Variants in COLEC11 observed in about 807,000 individuals in gnomAD.
COLEC11 encodes collectin-11.
COLEC11 carries 20 observed loss-of-function variants against 27.3 expected under a neutral mutation model. That is an observed-to-expected ratio of 0.73 (90% CI 0.51 to 1.06). The LOEUF is 1.06. Ranked by LOEUF, COLEC11 falls within the 50% of genes least tolerant of loss-of-function variation. The pLI is 0.00. For synonymous variants in COLEC11, 163 were observed against 154.7 expected (o/e 1.05, Z -0.40); for missense variants, 310 against 383.0 (o/e 0.81, Z 1.59).
intron 4 of COLEC11, among the ~76,000 whole-genome samples, chr2:3,637,840 C>T (rs980917656): frequency 5.3e-5 from 8 of 152,174 alleles, no homozygotes; most frequent in Admixed American, 4.6e-4. Flanking sequence ...ATTTTCACAG[C>T]GCCCCAGGAT....
intron 3 of COLEC11, among the ~76,000 whole-genome samples, chr2:3,619,096 T>C (rs911577811): frequency 2.6e-5 from 4 of 152,192 alleles, no homozygotes; most frequent in African/African-American, 9.7e-5. Context: ...TATAAGATTA[T>C]GCCATCTGCA....
intron 3 of COLEC11, chr2:3,625,953 C>T: frequency 2.0e-6 from 3 of 1,474,236 alleles, no homozygotes; most frequent in Non-Finnish European, 2.8e-6. Context: ...AGTTATTTAA[C>T]ATCTCTATTA....
At chr2:3,608,477 G>A (rs2147868605) in intron 2 of COLEC11, among the ~76,000 whole-genome samples, 1 of 152,296 alleles carries the variant, frequency 6.6e-6, no homozygotes, top group Non-Finnish European at 1.5e-5. Flanking sequence ...ATTACCTGCA[G>A]GGACATACAT....
chr2:3,607,163 C>T (rs1662783583), intron 2 of COLEC11, among the ~76,000 whole-genome samples: 2 of 152,116 alleles, frequency 1.3e-5, no homozygotes. Flanking sequence ...GCACACGAGT[C>T]AGGCTGCCGC....
At position 3,640,424 on chromosome 2, in the gene COLEC11, G is replaced by T. The variant is rs1033437124; in HGVS notation, c.328+93G>T. The T allele has an allele frequency of 2.2e-5, 16 of 737,140 alleles. No individual in the cohort carries two copies. The African/African-American group carries it at 2.3e-4, about 11-fold the overall frequency. 45.7% of individuals were successfully genotyped at this position (737,140 alleles called of 1,614,324 possible). The stretch of plus-strand genomic sequence containing the variant: ...AGATCTACACCATGTAGATCCCACA[G>T]TGGACACCCACCCCTGTCACATCCC... On this transcript the variant is annotated intron_variant, in intron 5 of 6. Coordinates refer to ENST00000349077, the MANE Select transcript of COLEC11 (RefSeq NM_024027.5).
At chr2:3,611,375 C>T (rs1483649999) in intron 2 of COLEC11, among the ~76,000 whole-genome samples, 2 of 152,216 alleles carry the variant, frequency 1.3e-5, no homozygotes, top group Non-Finnish European at 1.5e-5. Context: ...CTGTTGTTCC[C>T]GGACTGGCCT....
chr2:3,620,679 ATTG>A (rs1664123143), intron 3 of COLEC11, among the ~76,000 whole-genome samples: 1 of 151,842 alleles, frequency 6.6e-6, no homozygotes, highest in Admixed American at 6.6e-5. Flanking sequence ...GTAGGTATTT[ATTG>A]TTATAAAATT....
intron 1 of COLEC11, among the ~76,000 whole-genome samples, chr2:3,598,861 G>A (rs1662038477): frequency 6.6e-6 from 1 of 152,228 alleles, no homozygotes; most frequent in South Asian, 2.1e-4. Context: ...TCTTTAGAGT[G>A]AGGAACTGTA....
intron 3 of COLEC11, among the ~76,000 whole-genome samples, chr2:3,630,828 G>A (rs951000178): frequency 1.8e-4 from 27 of 152,124 alleles, no homozygotes; most frequent in African/African-American, 5.1e-4. Context: ...GCCTGTTGCC[G>A]TGACCTTCAC....
intron 1 of COLEC11, among the ~76,000 whole-genome samples, chr2:3,596,984 A>G (rs1011729701): frequency 3.9e-5 from 6 of 152,198 alleles, no homozygotes; most frequent in African/African-American, 9.6e-5. Flanking sequence ...CTTTGTGCCC[A>G]TAGGCCTAGC....
intron 3 of COLEC11, among the ~76,000 whole-genome samples, chr2:3,622,305 G>C (rs1240553277): frequency 1.3e-5 from 2 of 152,196 alleles, no homozygotes; most frequent in Admixed American, 6.5e-5. Context: ...TCCAGCCTGG[G>C]TGAGAGAGTG....
At chr2:3,596,877 G>A (rs1325296973) in intron 1 of COLEC11, among the ~76,000 whole-genome samples, 1 of 152,236 alleles carries the variant, frequency 6.6e-6, no homozygotes, top group Non-Finnish European at 1.5e-5. Flanking sequence ...CTGGGAAGCA[G>A]AGACTCCTTC....
intron 3 of COLEC11, chr2:3,626,076 A>G: frequency 4.3e-6 from 7 of 1,613,986 alleles, no homozygotes; most frequent in Non-Finnish European, 5.9e-6. Flanking sequence ...CGTCCTTTGT[A>G]GAAATGGGAT....
At chr2:3,615,108 CT>C (rs35128729) in intron 3 of COLEC11, among the ~76,000 whole-genome samples, 108 of 146,532 alleles carry the variant, frequency 7.4e-4, no homozygotes, top group African/African-American at 2.5e-3. Flanking sequence ...TATTTTCTTT[CT>C]TTTTTTTTTA....
At chr2:3,621,244 T>G (rs1203386808) in intron 3 of COLEC11, among the ~76,000 whole-genome samples, 1 of 152,244 alleles carries the variant, frequency 6.6e-6, no homozygotes, top group Admixed American at 6.5e-5. Flanking sequence ...TATGTTTTCT[T>G]GATGAATTGA....
In COLEC11 at chr2:3,622,168, CAA is replaced by C. The variant is rs1211301931; in HGVS notation, c.202+8802_202+8803del. Among the ~76,000 whole-genome samples the C allele has an allele frequency of 0.011, 917 of 85,428 alleles. 3 individuals are homozygous for C. In the Middle Eastern group the frequency reaches 0.12, roughly 11 times the overall value. The allele number at this position is 85,428 out of a possible 152,430, so 56.0% of individuals were successfully genotyped here. A position where few individuals can be genotyped will look rare whatever the true frequency, so the allele number is the denominator to read the frequency against. On this transcript the variant is annotated intron_variant, in intron 3 of 6. Transcript: ENST00000349077. ...TGGGCGACAGAATGAGACTCCATCT[CAA>C]AAAAAAAAAAAAAAAGTAAAATATA...
intron 2 of COLEC11, among the ~76,000 whole-genome samples, chr2:3,606,648 A>C (rs1662724303): frequency 3.9e-5 from 6 of 152,216 alleles, no homozygotes; most frequent in Admixed American, 3.9e-4. Flanking sequence ...GCAGGCAGCG[A>C]GCCCGACCAG....
chr2:3,640,935 C>G (rs1263521981), intron 5 of COLEC11, among the ~76,000 whole-genome samples: 1 of 136,560 alleles, frequency 7.3e-6, no homozygotes, highest in Non-Finnish European at 1.6e-5. Context: ...ACACCCACCC[C>G]CGTCACATCC....
chr2:3,604,231 C>CGTA (rs1299588524), intron 1 of COLEC11, 84 bp from the exon 2 acceptor site: 1 of 1,493,338 alleles, frequency 6.7e-7, no homozygotes, highest in Non-Finnish European at 9.3e-7. Flanking sequence ...GAGGGCTACA[C>CGTA]CCCTTGCCTC....
Sources: allele counts gnomAD v4.1 joint callset (sites outside exome capture counted in the v4.1 genomes callset), GRCh38; gene constraint gnomAD v4.1.1; transcripts MANE v1.5; gene names NCBI Gene and HGNC (gene_info 2026-07-23, HGNC 2026-07-21).